The following CLCN1 variants were observed in gnomAD, a reference collection of about 807,000 sequenced individuals.
The protein encoded by CLCN1 is chloride channel protein 1.
In CLCN1, 100 loss-of-function variants were observed where a neutral mutation model predicts 114.5. That is an observed-to-expected ratio of 0.87 (90% CI 0.74 to 1.03). CLCN1 has a LOEUF of 1.03. Ranked by LOEUF, CLCN1 falls within the 50% of genes least tolerant of loss-of-function variation. The pLI is 0.00. For missense variants in CLCN1, 1,188 were observed against 1,250.0 expected (o/e 0.95, Z 0.75); for synonymous variants, 485 against 487.1 (o/e 1.00, Z 0.06).
intron 1 of CLCN1, among the ~76,000 whole-genome samples, chr7:143,318,238 T>C (rs1270044230): frequency 6.6e-6 from 1 of 152,012 alleles, no homozygotes; most frequent in East Asian, 1.9e-4. Flanking sequence ...TTTTTTGTTT[T>C]TGAGATGGAG....
intron 1 of CLCN1, 137 bp from the exon 2 acceptor site, chr7:143,319,618 A>G: frequency 1.1e-6 from 1 of 874,290 alleles, no homozygotes; most frequent in South Asian, 1.3e-5. Flanking sequence ...ATGACCACAA[A>G]GTCACCCTGC....
chr7:143,345,506 G>C lies in CLCN1; in HGVS notation c.1931-15G>C. Reference sequence around the variant, plus strand: ...CTTGGAGGGGGCGCTCAGGCAGGGCGTGGGTTTCCCTCAGATTCAATGATC... The same window carrying C: ...CTTGGAGGGGGCGCTCAGGCAGGGCCTGGGTTTCCCTCAGATTCAATGATC... On this transcript the variant is annotated splice_polypyrimidine_tract_variant and intron_variant, in intron 16 of 22. Transcript: ENST00000343257. 1 of 1,526,162 alleles carries C rather than the reference G, an allele frequency of 6.6e-7. No individual in the cohort carries two copies. The highest frequency in any genetic ancestry group is 8.8e-7 in the Non-Finnish European group (1 of 1,129,974). The allele number at this position is 1,526,162 out of a possible 1,614,324, so 94.5% of individuals were successfully genotyped here. A position where few individuals can be genotyped will look rare whatever the true frequency, so the allele number is the denominator to read the frequency against.
At chr7:143,338,032 G>C (rs1260665039) in intron 12 of CLCN1, among the ~76,000 whole-genome samples, 3 of 151,498 alleles carry the variant, frequency 2.0e-5, no homozygotes, top group Non-Finnish European at 4.4e-5. Flanking sequence ...TTTTAGTGGA[G>C]ACAGGGTTTC....
intron 10 of CLCN1, among the ~76,000 whole-genome samples, chr7:143,332,172 C>T (rs541212977): frequency 1.3e-5 from 2 of 152,284 alleles, no homozygotes; most frequent in Admixed American, 1.3e-4. Flanking sequence ...CCATGTTGGC[C>T]AGGCTGGTCT....
At chr7:143,328,371 G>A (rs557136659) in intron 7 of CLCN1, among the ~76,000 whole-genome samples, 1 of 152,278 alleles carries the variant, frequency 6.6e-6, no homozygotes, top group East Asian at 1.9e-4. Context: ...TCCAGGGTGG[G>A]AGAAGAGAGC....
At chr7:143,335,069 C>G (rs528808323) in intron 12 of CLCN1, among the ~76,000 whole-genome samples, 1 of 152,128 alleles carries the variant, frequency 6.6e-6, no homozygotes, top group Non-Finnish European at 1.5e-5. Context: ...CTGAGCTATA[C>G]GGCAACATTG....
chr7:143,347,815 C>T (rs951672590), intron 20 of CLCN1, among the ~76,000 whole-genome samples: 4 of 151,820 alleles, frequency 2.6e-5, no homozygotes, highest in South Asian at 2.1e-4. Context: ...TTTTCCTAAA[C>T]GAGGTGGTTA....
chr7:143,343,913 C>G (rs1803157280), intron 16 of CLCN1, among the ~76,000 whole-genome samples: 4 of 152,112 alleles, frequency 2.6e-5, no homozygotes, highest in Admixed American at 2.6e-4. Flanking sequence ...CATCTTGGCT[C>G]ACTGCAACCT....
chr7:143,351,461 C>T (rs546036411), intron 22 of CLCN1, 133 bp from the exon 23 acceptor site: 133 of 908,668 alleles, frequency 1.5e-4, no homozygotes, highest in Non-Finnish European at 1.9e-4. Context: ...TCTTTCTCCC[C>T]GTTTTGCCAC....
rs371792469 is a variant in CLCN1 at position 143,345,649 on chromosome 7, G to C, written c.2059G>C (p.Asp687His). The C allele has an allele frequency of 3.2e-6, 5 of 1,566,204 alleles. No homozygotes were observed. The highest frequency in any genetic ancestry group is 4.3e-6 in the Non-Finnish European group (5 of 1,156,152). Residue 687 changes from aspartate (D) to histidine (H), a missense_variant, in exon 17 of 23, where the codon GAC becomes CAC. Physicochemically the swap from Asp to His is moderately conservative, Grantham distance 81. Transcript: ENST00000343257. ...GCGGAAGTTGTCGGAGCTGCCTTAC[G>C]ACGGGAAGGCGCGGCTGGCTGGGGA... ...MARKLSELPY[D>H]GKARLAGEGL...
chr7:143,351,789 G>A lies in CLCN1; in HGVS notation c.2791G>A (p.Val931Met). ...GATTGCTGCCTCCCCAGAGACCCCT[G>A]TGCCATCTCCTTCCCCAGAGCCCCC... ...DVIAASPETP[V>M]PSPSPEPPLS... Residue 931 changes from valine (V) to methionine (M), a missense_variant, in exon 23 of 23, where the codon GTG (valine) becomes ATG (methionine). Transcript: ENST00000343257. 6.2e-7 allele frequency: 1 copy of A among 1,614,086 alleles called. No individual in the cohort carries two copies. Among genetic ancestry groups the A allele is most frequent in the Non-Finnish European group, 8.5e-7 (1 of 1,180,000 alleles).
rs371875551 is a variant in CLCN1, at chr7:143,331,206, G to A, written c.980-26G>A. 9.0e-5 allele frequency: 138 copies of A among 1,537,072 alleles called. 1 individual carries two copies. The highest frequency in any genetic ancestry group is 5.3e-4 in the Admixed American group (32 of 59,900). ...GTTGGGTTTCTACGAAGCTCCCATCGTAATACTGGCCTTTCCATCCTACAG... is the reference window on the plus strand; with the variant it reads ...GTTGGGTTTCTACGAAGCTCCCATCATAATACTGGCCTTTCCATCCTACAG... On this transcript the variant is annotated intron_variant, in intron 8 of 22. Coordinates refer to ENST00000343257, the MANE Select transcript of CLCN1 (RefSeq NM_000083.3).
chr7:143,324,314 C>T lies in CLCN1; in HGVS notation c.775-100C>T. On this transcript the variant is annotated intron_variant, in intron 6 of 22. Transcript: ENST00000343257. This position sits in a 1 kb window ranked among gnomAD's most constrained non-coding sequence, Gnocchi z 4.6. ...CCACAAGGACTCCTTTTGACTTAGG[C>T]CTCTCATTCTGCCTTATTCCCCATC... 1 of 848,948 alleles carries T rather than the reference C, an allele frequency of 1.2e-6. No individual in the cohort carries two copies. The highest frequency in any genetic ancestry group is 1.7e-5 in the African/African-American group (1 of 60,478). 52.6% of individuals were successfully genotyped at this position (848,948 alleles called of 1,614,324 possible). A position where few individuals can be genotyped will look rare whatever the true frequency, so the allele number is the denominator to read the frequency against.
chr7:143,316,625 G>A (rs778008404), intron 1 of CLCN1, among the ~76,000 whole-genome samples: 10 of 152,178 alleles, frequency 6.6e-5, no homozygotes, highest in African/African-American at 9.7e-5. Context: ...TACCAACAGA[G>A]TACCCAAATC....
intron 8 of CLCN1, 51 bp from the exon 9 acceptor site, chr7:143,331,181 G>C: frequency 7.5e-7 from 1 of 1,339,398 alleles, no homozygotes. Flanking sequence ...CTGTTTCCCT[G>C]TTGGGTTTCT....
rs374229462 is a variant in CLCN1, at chr7:143,320,868, G to A, written c.433+73G>A. 65 of 1,553,392 alleles carry A rather than the reference G, an allele frequency of 4.2e-5. No homozygotes were observed. In the South Asian group the frequency reaches 4.4e-4, roughly 10 times the overall value. ...CCTAGGGTAAGCAGGGTGTGTTATC[G>A]GAAGCGAATGTTAAGCAGGGTGTGT... On this transcript the variant is annotated intron_variant, in intron 3 of 22. Transcript: ENST00000343257.
At position 143,321,511 on chromosome 7, in the gene CLCN1, G is replaced by T. The variant is rs746497080; in HGVS notation, c.562+18G>T. 6.2e-7 allele frequency: 1 copy of T among 1,613,956 alleles called. No homozygotes were observed. Among genetic ancestry groups the T allele is most frequent in the Admixed American group, 1.7e-5 (1 of 60,014 alleles). ...GGCTGTTGGTGAGAACTTGCCACCA[G>T]ACTCGGCCTGAGCTGGGTGGCCTGA... On this transcript the variant is annotated intron_variant, in intron 4 of 22. Transcript: ENST00000343257. The surrounding 1 kb of genome is among the most constrained non-coding windows in gnomAD (Gnocchi z 4.2).
At chr7:143,338,818 A>G (rs1224182405) in intron 12 of CLCN1, among the ~76,000 whole-genome samples, 1 of 151,970 alleles carries the variant, frequency 6.6e-6, no homozygotes, top group African/African-American at 2.4e-5. Context: ...AGAAAAAAAA[A>G]AAACCGGAGC....
chr7:143,335,666 T>G (rs1238572857), intron 12 of CLCN1, among the ~76,000 whole-genome samples: 1 of 149,326 alleles, frequency 6.7e-6, no homozygotes, highest in Non-Finnish European at 1.5e-5. Flanking sequence ...GTTTTGTTTT[T>G]TTTTTTTTTT....
Sources: allele counts gnomAD v4.1 joint callset (sites outside exome capture counted in the v4.1 genomes callset), GRCh38; gene constraint gnomAD v4.1.1; non-coding constraint Gnocchi (gnomAD v3.1); transcripts MANE v1.5; gene names NCBI Gene and HGNC (gene_info 2026-07-23, HGNC 2026-07-21).